P2RX5: variants seen among roughly 807,000 people sequenced by gnomAD.
P2RX5 encodes the protein purinergic receptor P2X 5.
A neutral mutation model predicts 54.1 loss-of-function variants in P2RX5; 46 were observed. The observed-to-expected ratio is 0.85, with a 90% CI of 0.67 to 1.09. The LOEUF (loss-of-function observed/expected upper bound fraction) is 1.09. Ranked by LOEUF, P2RX5 falls within the 50% of genes least tolerant of loss-of-function variation. The pLI, the probability that P2RX5 is intolerant of heterozygous loss-of-function variation, is 0.00. For synonymous variants in P2RX5, 226 were observed against 226.4 expected (o/e 1.00, Z 0.02); for missense variants, 566 against 549.8 (o/e 1.03, Z -0.29).
chr17:3,694,018 G>T (rs2050690143), intron 1 of P2RX5, among the ~76,000 whole-genome samples: 1 of 151,792 alleles, frequency 6.6e-6, no homozygotes, highest in Non-Finnish European at 1.5e-5. Context: ...AGCCACCGCG[G>T]TCTCCTCTCC....
the P2RX5 span, among the ~76,000 whole-genome samples, chr17:3,703,966 G>A: frequency 1.5e-3 from 231 of 152,274 alleles, 1 homozygote; most frequent in Non-Finnish European, 2.1e-3. Context: ...GCCGGACGTG[G>A]TGGCACATGC....
At position 3,690,422 on chromosome 17, in the gene P2RX5, C is replaced by A; in HGVS notation, c.533+5G>T. On this transcript the variant is annotated splice_donor_5th_base_variant and intron_variant, in intron 5 of 11. Coordinates refer to ENST00000225328, the MANE Select transcript of P2RX5 (RefSeq NM_002561.4). ...CCTCAGGGTCCTGAGGCTGCAGCCA[C>A]TCACTCCGGCCTGGAGCTTGTCTCC... The A allele has an allele frequency of 6.2e-7, 1 of 1,605,052 alleles. No individual in the cohort carries two copies. The highest frequency in any genetic ancestry group is 8.5e-7 in the Non-Finnish European group (1 of 1,175,066).
the P2RX5 span, among the ~76,000 whole-genome samples, chr17:3,710,877 G>A: frequency 5.9e-5 from 9 of 152,088 alleles, no homozygotes; most frequent in Non-Finnish European, 1.2e-4. Context: ...GCAATGAGCC[G>A]AGATCGCACC....
intron 1 of P2RX5, 138 bp downstream of exon 1, chr17:3,695,731 G>A (rs1237136305): frequency 3.4e-5 from 35 of 1,016,226 alleles, no homozygotes; most frequent in Non-Finnish European, 5.2e-5. Context: ...GACCCCCACA[G>A]CAAGCAGGCT....
Position 3,690,133 on chromosome 17 carries a change from T to A in P2RX5, c.551A>T (p.Glu184Val). ...SSRPEEPFLKEAEDFTIFIKN... is the reference protein window; with the variant it reads ...SSRPEEPFLKVAEDFTIFIKN... ...TATGAAAATGGTGAAGTCTTCGGCCTCCTTCAGGAATGGCTCCCTGAAAAC... is the reference window on the plus strand; with the variant it reads ...TATGAAAATGGTGAAGTCTTCGGCCACCTTCAGGAATGGCTCCCTGAAAAC... The change falls in exon 6 of 12, where the codon GAG becomes GTG. Residue 184 changes from glutamate to valine, a missense_variant. By Grantham distance (121) the Glu-to-Val change is moderately radical. Coordinates refer to ENST00000225328, the MANE Select transcript of P2RX5 (RefSeq NM_002561.4). 2 of 1,614,142 alleles carry A rather than the reference T, an allele frequency of 1.2e-6. No individual in the cohort carries two copies. The highest frequency in any genetic ancestry group is 2.2e-5 in the South Asian group (2 of 91,084).
the P2RX5 span, among the ~76,000 whole-genome samples, chr17:3,723,129 G>C: frequency 6.6e-6 from 1 of 152,218 alleles, no homozygotes; most frequent in Non-Finnish European, 1.5e-5. Flanking sequence ...TCCCTCCTGA[G>C]GGTAGCTAAG....
chr17:3,713,477 G>A, the P2RX5 span, among the ~76,000 whole-genome samples: 6 of 152,142 alleles, frequency 3.9e-5, no homozygotes, highest in South Asian at 2.1e-4. Context: ...ATTGCCAGGC[G>A]CGGTGGCTCA....
the P2RX5 span, chr17:3,723,750 A>G: frequency 6.2e-7 from 1 of 1,607,164 alleles, no homozygotes; most frequent in Non-Finnish European, 8.5e-7. Flanking sequence ...GAGGCCTGAA[A>G]CGAGAGCCAT....
chr17:3,679,845 G>T, intron 10 of P2RX5, 61 bp from the exon 11 acceptor site: 1 of 1,421,570 alleles, frequency 7.0e-7, no homozygotes, highest in East Asian at 2.3e-5. Flanking sequence ...CCTCCTAGAC[G>T]GGCGGAGTGG....
At chr17:3,706,860 T>A in the P2RX5 span, among the ~76,000 whole-genome samples, 1 of 152,198 alleles carries the variant, frequency 6.6e-6, no homozygotes, top group Admixed American at 6.5e-5. Flanking sequence ...TCCGCCCGCC[T>A]CGGCCTCCCA....
intron 10 of P2RX5, 83 bp from the exon 11 acceptor site, chr17:3,679,867 TCCCTCG>T: frequency 8.1e-7 from 1 of 1,227,886 alleles, no homozygotes; most frequent in Non-Finnish European, 1.2e-6. Flanking sequence ...CCTTGAAGAA[TCCCTCG>T]CCCTGCAGGC....
the P2RX5 span, chr17:3,720,507 C>A: frequency 3.1e-6 from 2 of 639,642 alleles, no homozygotes; most frequent in Non-Finnish European, 2.8e-6. Flanking sequence ...TATTCCTGGG[C>A]TTAGTTAATG....
the P2RX5 span, among the ~76,000 whole-genome samples, chr17:3,713,910 A>G: frequency 6.6e-6 from 1 of 151,424 alleles, no homozygotes; most frequent in Non-Finnish European, 1.5e-5. Context: ...TTGATACTTA[A>G]GAATTATCTG....
At chr17:3,704,536 C>T in the P2RX5 span, among the ~76,000 whole-genome samples, 4 of 152,326 alleles carry the variant, frequency 2.6e-5, no homozygotes, top group East Asian at 5.8e-4. Flanking sequence ...GAAGGCAGGA[C>T]ACTCCTCTCT....
At chr17:3,688,547 C>A in intron 8 of P2RX5, 79 bp downstream of exon 8, 2 of 1,500,700 alleles carry the variant, frequency 1.3e-6, no homozygotes, top group Non-Finnish European at 9.3e-7. Context: ...CAGGAAGGGG[C>A]CTCAATAGTG....
At chr17:3,690,347 G>T (rs532100680) in intron 5 of P2RX5, 80 bp downstream of exon 5, 5 of 1,236,278 alleles carry the variant, frequency 4.0e-6, no homozygotes, top group Non-Finnish European at 5.8e-6. Flanking sequence ...TCCCAGAGTG[G>T]GCAGGACTCC....
Position 3,695,931 on chromosome 17 carries a change from C to T in P2RX5, c.75G>A (p.Lys25=), listed in dbSNP as rs775381281. 1.2e-5 allele frequency: 19 copies of T among 1,613,944 alleles called. No individual in the cohort carries two copies. The African/African-American group carries it at 2.1e-4, about 18-fold the overall frequency. Residue 25 remains lysine (K), a synonymous_variant, in exon 1 of 12, where the codon AAG becomes AAA. Coordinates refer to ENST00000225328, the MANE Select transcript of P2RX5 (RefSeq NM_002561.4). Reference sequence around the variant, plus strand: ...GGTACAGCAGGCCCACCTTCTTGTTCTTGGCGATGACATACTTCTCGGTCT... The same window carrying T: ...GGTACAGCAGGCCCACCTTCTTGTTTTTGGCGATGACATACTTCTCGGTCT... ...DYKTEKYVIA[K]NKKVGLLYRL... is the part of the protein sequence containing the mutation.
upstream of P2RX5, among the ~76,000 whole-genome samples, chr17:3,699,739 A>G (rs1167701508): frequency 2.0e-5 from 3 of 150,784 alleles, no homozygotes; most frequent in East Asian, 5.9e-4. Context: ...CAGGAGGTGG[A>G]GCTTGCAGTG....
At chr17:3,677,830 G>T in intron 11 of P2RX5, 1 of 985,352 alleles carries the variant, frequency 1.0e-6, no homozygotes, top group East Asian at 1.1e-4. Flanking sequence ...CAGCACCCTG[G>T]CCTGTCCCTT....
Sources: gnomAD v4.1 joint callset for allele counts (sites outside exome capture counted in the v4.1 genomes callset) on GRCh38, gnomAD v4.1.1 for gene constraint, MANE v1.5 for transcripts, NCBI Gene and HGNC (gene_info 2026-07-23, HGNC 2026-07-21) for gene names.